The following SLC13A2 variants were observed in gnomAD, a reference collection of about 807,000 sequenced individuals.
The protein encoded by SLC13A2 is solute carrier family 13 member 2.
A neutral mutation model predicts 58.5 loss-of-function variants in SLC13A2; 40 were observed. The ratio of observed to expected loss-of-function variants is 0.68; its 90% confidence interval spans 0.53 to 0.89. The LOEUF (loss-of-function observed/expected upper bound fraction) is 0.89, where lower values mean the gene tolerates loss of function less well. Ranked by LOEUF, SLC13A2 falls within the 40% of genes least tolerant of loss-of-function variation. The probability of loss-of-function intolerance (pLI) is 0.00; values close to 1 mark genes in which losing one functional copy is unlikely to be tolerated. For synonymous variants in SLC13A2, 341 were observed against 331.6 expected (o/e 1.03, Z -0.31); for missense variants, 694 against 772.6 (o/e 0.90, Z 1.21).
At chr17:28,487,477 G>T in intron 1 of SLC13A2, 1 of 898,574 alleles carries the variant, frequency 1.1e-6, no homozygotes, top group Non-Finnish European at 1.3e-6. Flanking sequence ...AGCATTTGAA[G>T]CACATAGAAT....
chr17:28,473,872 G>T, intron 1 of SLC13A2, 58 bp downstream of exon 1: 1 of 1,489,038 alleles, frequency 6.7e-7, no homozygotes, highest in Non-Finnish European at 9.3e-7. Context: ...GGGACTGTCT[G>T]GGCCGGGGTT....
At chr17:28,485,802 C>T (rs2151452196) in intron 1 of SLC13A2, among the ~76,000 whole-genome samples, 1 of 148,408 alleles carries the variant, frequency 6.7e-6, no homozygotes, top group Non-Finnish European at 1.5e-5. Context: ...GCCTGGGCAA[C>T]AAAGCAAGAA....
At position 28,496,518 on chromosome 17, in the gene SLC13A2, CA is replaced by C; in HGVS notation, c.1540del (p.Met514CysfsTer36). On this transcript the variant is annotated frameshift_variant, in exon 11 of 12. Transcript: ENST00000314669. LOFTEE classifies it high-confidence loss of function. The surrounding 1 kb of genome is among the most constrained non-coding windows in gnomAD (Gnocchi z 4.2). ...GCACTCTGGCCACCTCCCTGGCCTT[CA>C]TGTTGCCTGTGGCCACCCCGCCCAA... The part of the protein sequence containing the change: ...PCTLATSLAF[M>X]LPVATPPNAI... 6.2e-7 allele frequency: 1 copy of C among 1,613,762 alleles called. No individual in the cohort carries two copies. The highest frequency in any genetic ancestry group is 8.5e-7 in the Non-Finnish European group (1 of 1,179,818).
chr17:28,478,134 G>C (rs987249511), intron 1 of SLC13A2, among the ~76,000 whole-genome samples: 2 of 152,194 alleles, frequency 1.3e-5, no homozygotes, highest in Non-Finnish European at 2.9e-5. Context: ...TGTAAACTGA[G>C]GGCCAGTGTG....
chr17:28,490,590 C>G lies in SLC13A2; in HGVS notation c.368C>G (p.Pro123Arg), dbSNP rs200385517. ...CTCATCGTTGGGGTGCGGCCTGCCCCGTGAGTTCCTCCTGCAAACCAGCAC... is the reference window on the plus strand; with the variant it reads ...CTCATCGTTGGGGTGCGGCCTGCCCGGTGAGTTCCTCCTGCAAACCAGCAC... ...VLLIVGVRPA[P>R]LILGFMLVTA... The change falls in exon 3 of 12, where the codon CCG (proline) becomes CGG (arginine). Residue 123 changes from proline to arginine, a missense_variant and splice_region_variant. By Grantham distance (103) the Pro-to-Arg change is moderately radical (BLOSUM62 -2). Coordinates refer to ENST00000314669, the MANE Select transcript of SLC13A2 (RefSeq NM_003984.4). 6.3e-7 allele frequency: 1 copy of G among 1,595,336 alleles called. No homozygotes were observed. Among genetic ancestry groups the G allele is most frequent in the Non-Finnish European group, 8.6e-7 (1 of 1,166,986 alleles).
chr17:28,493,072 G>C (rs1416581016), intron 6 of SLC13A2, among the ~76,000 whole-genome samples: 1 of 152,224 alleles, frequency 6.6e-6, no homozygotes, highest in Non-Finnish European at 1.5e-5. Flanking sequence ...GGGAGGTTGA[G>C]ATTTACCCAA....
chr17:28,478,074 A>G (rs2068723243), intron 1 of SLC13A2, among the ~76,000 whole-genome samples: 1 of 152,182 alleles, frequency 6.6e-6, no homozygotes, highest in Non-Finnish European at 1.5e-5. Context: ...TAAAAAAAAA[A>G]AGCCTATGTG....
chr17:28,478,452 G>A (rs2068729877), intron 1 of SLC13A2, among the ~76,000 whole-genome samples: 1 of 152,248 alleles, frequency 6.6e-6, no homozygotes, highest in South Asian at 2.1e-4. Context: ...CAGCCAGAAG[G>A]CTGCAGAGCT....
At chr17:28,474,981 C>T (rs1445766584) in intron 1 of SLC13A2, among the ~76,000 whole-genome samples, 1 of 152,196 alleles carries the variant, frequency 6.6e-6, no homozygotes, top group African/African-American at 2.4e-5. Flanking sequence ...AGCCCCTGGG[C>T]CCCTGACACC....
At chr17:28,490,984 C>T (rs1203758671) in intron 4 of SLC13A2, 78 bp downstream of exon 4, 2 of 1,347,596 alleles carry the variant, frequency 1.5e-6, no homozygotes, top group Admixed American at 4.9e-5. Flanking sequence ...GTTTCGAGGG[C>T]TGGTCATCTT....
chr17:28,476,792 T>C (rs2068679236), intron 1 of SLC13A2, among the ~76,000 whole-genome samples: 1 of 152,136 alleles, frequency 6.6e-6, no homozygotes, highest in African/African-American at 2.4e-5. Flanking sequence ...GAATGTCGGC[T>C]CCGTGAGGAC....
rs1026086341 is a variant in SLC13A2 at position 28,491,241 on chromosome 17, A to G, written c.575-196A>G. Among the ~76,000 whole-genome samples the G allele has an allele frequency of 2.0e-5, 3 of 152,100 alleles. No individual in the cohort carries two copies. In the East Asian group the frequency reaches 5.8e-4, roughly 29 times the overall value. ...TCTCAAGAGAGAGGTCAGATCATAGAGTGTCCAAGGGTGCTCCCAGCCTGA... is the reference window on the plus strand; with the variant it reads ...TCTCAAGAGAGAGGTCAGATCATAGGGTGTCCAAGGGTGCTCCCAGCCTGA... On this transcript the variant is annotated intron_variant, in intron 4 of 11. Coordinates refer to ENST00000314669, the MANE Select transcript of SLC13A2 (RefSeq NM_003984.4).
chr17:28,488,502 G>A (rs138478906), intron 1 of SLC13A2, among the ~76,000 whole-genome samples: 12 of 152,268 alleles, frequency 7.9e-5, no homozygotes, highest in African/African-American at 2.9e-4. Flanking sequence ...CTTGCCCCAG[G>A]TCCCCTTCCA....
intron 1 of SLC13A2, among the ~76,000 whole-genome samples, chr17:28,482,949 C>T (rs1396957056): frequency 6.6e-6 from 1 of 152,186 alleles, no homozygotes; most frequent in Admixed American, 6.5e-5. Flanking sequence ...TCGCCTTGCT[C>T]CTGAGACCCG....
At chr17:28,490,650 A>C (rs782796514) in intron 3 of SLC13A2, 51 bp from the exon 4 acceptor site, 35 of 1,591,002 alleles carry the variant, frequency 2.2e-5, no homozygotes, top group Admixed American at 2.0e-4. Flanking sequence ...CTGGGCACCC[A>C]GTCCCTGAAG....
rs45443898 is a variant in SLC13A2 at position 28,489,241 on chromosome 17, C to T, written c.130C>T (p.Leu44Phe). 9.9e-4 allele frequency: 1,597 copies of T among 1,614,030 alleles called. 30 individuals carry two copies. In the East Asian group the frequency reaches 0.032, roughly 33 times the overall value. Residue 44 changes from leucine (L) to phenylalanine (F), a missense_variant, in exon 2 of 12, where the codon CTC becomes TTC. Coordinates refer to ENST00000314669, the MANE Select transcript of SLC13A2 (RefSeq NM_003984.4). ...KEAYCAYAII[L>F]MALFWCTEAL... ...GGCCTACTGCGCGTATGCCATCATC[C>T]TCATGGCGCTCTTCTGGTGCACTGA... is the stretch of plus-strand genomic sequence containing the variant.
chr17:28,492,540 T>A (rs1259080590), intron 6 of SLC13A2, among the ~76,000 whole-genome samples: 1 of 152,206 alleles, frequency 6.6e-6, no homozygotes, highest in Admixed American at 6.5e-5. Flanking sequence ...GAACTCTAGT[T>A]CTGCAGGACT....
rs1352614372 is a variant in SLC13A2 at position 28,488,017 on chromosome 17, G to C, written c.103-1197G>C. 4.6e-5 allele frequency among the ~76,000 whole-genome samples: 7 copies of C among 152,102 alleles called. No individual in the cohort carries two copies. The South Asian group carries it at 1.0e-3, about 23-fold the overall frequency. On this transcript the variant is annotated intron_variant, in intron 1 of 11. Coordinates refer to ENST00000314669, the MANE Select transcript of SLC13A2 (RefSeq NM_003984.4). ...TCTGCCACTTTTTTTTAATAGTTCT[G>C]TGACCCTGAGCAAGCTGTTTACCCT...
At chr17:28,483,984 C>T (rs981727344) in intron 1 of SLC13A2, among the ~76,000 whole-genome samples, 4 of 152,146 alleles carry the variant, frequency 2.6e-5, no homozygotes, top group Admixed American at 1.3e-4. Flanking sequence ...TCAGGCCAGC[C>T]CACACAGGCA....
Sources: gnomAD v4.1 joint callset for allele counts (sites outside exome capture counted in the v4.1 genomes callset) on GRCh38, gnomAD v4.1.1 for gene constraint, Gnocchi (gnomAD v3.1) non-coding constraint, MANE v1.5 for transcripts, NCBI Gene and HGNC (gene_info 2026-07-23, HGNC 2026-07-21) for gene names.